Variants in GALNTL6 observed in about 807,000 individuals in gnomAD.
GALNTL6 encodes polypeptide N-acetylgalactosaminyltransferase-like 6.
In GALNTL6, 46 loss-of-function variants were observed where a neutral mutation model predicts 73.7. The observed-to-expected ratio is 0.62, with a 90% CI of 0.49 to 0.80. The LOEUF (loss-of-function observed/expected upper bound fraction) is 0.80, where lower values mean the gene tolerates loss of function less well. Ranked by LOEUF, GALNTL6 falls within the 30% of genes least tolerant of loss-of-function variation. The probability of loss-of-function intolerance (pLI) is 0.00; values close to 1 mark genes in which losing one functional copy is unlikely to be tolerated. For missense variants in GALNTL6, 604 were observed against 755.0 expected, an observed-to-expected ratio of 0.80 and a Z score of 2.34; for synonymous variants, 259 against 263.7, an observed-to-expected ratio of 0.98 and a Z score of 0.17.
rs1320095599 is a variant in GALNTL6 at position 171,814,507 on chromosome 4, G to A, written c.-74G>A. The A allele has an allele frequency of 7.8e-6, 12 of 1,530,006 alleles. No individual in the cohort carries two copies. The highest frequency in any genetic ancestry group is 3.4e-5 in the South Asian group (3 of 88,020). The allele number at this position is 1,530,006 out of a possible 1,614,324, so 94.8% of individuals were successfully genotyped here. A position where few individuals can be genotyped will look rare whatever the true frequency, so the allele number is the denominator to read the frequency against. On this transcript the variant is annotated 5_prime_UTR_variant, in exon 2 of 13. Transcript: ENST00000506823. ...CTGGTGCTTCGCAGGGGAGAGGAAAGGAATTTGACATTAAACACAAGAAGC... is the reference window on the plus strand; with the variant it reads ...CTGGTGCTTCGCAGGGGAGAGGAAAAGAATTTGACATTAAACACAAGAAGC...
intron 2 of GALNTL6, among the ~76,000 whole-genome samples, chr4:171,901,122 A>G (rs1202938247): frequency 6.6e-6 from 1 of 152,204 alleles, no homozygotes; most frequent in African/African-American, 2.4e-5. Flanking sequence ...TTGGAGTAGC[A>G]GTGATCATAC....
intron 8 of GALNTL6, among the ~76,000 whole-genome samples, chr4:172,928,999 C>T (rs1748195975): frequency 6.6e-6 from 1 of 152,144 alleles, no homozygotes; most frequent in African/African-American, 2.4e-5. Flanking sequence ...TCTTAAGATC[C>T]TGGGACAGGT....
At chr4:172,683,355 A>T (rs746789833) in intron 5 of GALNTL6, among the ~76,000 whole-genome samples, 1 of 152,236 alleles carries the variant, frequency 6.6e-6, no homozygotes, top group Non-Finnish European at 1.5e-5. Flanking sequence ...CTTGATAATG[A>T]GAAATGGTTT....
intron 5 of GALNTL6, among the ~76,000 whole-genome samples, chr4:172,381,171 T>C (rs1743270340): frequency 6.6e-6 from 1 of 152,254 alleles, no homozygotes; most frequent in Non-Finnish European, 1.5e-5. Context: ...TGTCAGAATT[T>C]TGGACAAAGA....
chr4:171,996,304 C>T (rs993699989), intron 2 of GALNTL6, among the ~76,000 whole-genome samples: 5 of 151,964 alleles, frequency 3.3e-5, no homozygotes, highest in African/African-American at 4.8e-5. Context: ...CTCCATTTTC[C>T]GAGTTTTAAA....
chr4:172,185,244 A>G (rs1393215715), intron 2 of GALNTL6, among the ~76,000 whole-genome samples: 1 of 152,228 alleles, frequency 6.6e-6, no homozygotes, highest in African/African-American at 2.4e-5. Context: ...GCATCTAGAA[A>G]GACTTTTGTA....
At chr4:172,005,581 T>A (rs906415566) in intron 2 of GALNTL6, among the ~76,000 whole-genome samples, 1 of 152,192 alleles carries the variant, frequency 6.6e-6, no homozygotes, top group Non-Finnish European at 1.5e-5. Flanking sequence ...CCATCCCATC[T>A]ACTATGATAT....
chr4:172,043,082 G>C (rs917174387), intron 2 of GALNTL6, among the ~76,000 whole-genome samples: 4 of 151,618 alleles, frequency 2.6e-5, no homozygotes, highest in Admixed American at 2.0e-4. Flanking sequence ...AATATGTCCC[G>C]CCCTTTCTCA....
intron 10 of GALNTL6, among the ~76,000 whole-genome samples, chr4:172,984,074 T>A (rs1221034085): frequency 6.6e-6 from 1 of 152,116 alleles, no homozygotes; most frequent in Non-Finnish European, 1.5e-5. Context: ...AAACTATATA[T>A]GTAACAAACA....
intron 5 of GALNTL6, among the ~76,000 whole-genome samples, chr4:172,784,715 G>T (rs944284563): frequency 6.6e-6 from 1 of 152,092 alleles, no homozygotes; most frequent in South Asian, 2.1e-4. Context: ...CCACCTCTTT[G>T]CATGGAGAAA....
chr4:173,035,640 T>C (rs561114300), intron 12 of GALNTL6, among the ~76,000 whole-genome samples: 9 of 152,338 alleles, frequency 5.9e-5, no homozygotes, highest in Admixed American at 5.2e-4. Context: ...TGTTATCTTC[T>C]AGGCAAAGGA....
At chr4:172,422,823 T>G (rs79708858) in intron 5 of GALNTL6, among the ~76,000 whole-genome samples, 3,216 of 151,666 alleles carry the variant, frequency 0.021, 112 homozygotes, top group African/African-American at 0.073. Flanking sequence ...ATTTTCCAGT[T>G]GCCCATGAGT....
At chr4:172,267,300 T>G (rs1388416906) in intron 3 of GALNTL6, among the ~76,000 whole-genome samples, 1 of 152,040 alleles carries the variant, frequency 6.6e-6, no homozygotes, top group African/African-American at 2.4e-5. Context: ...TGTACAGTCA[T>G]GAAAAGTGAA....
intron 2 of GALNTL6, among the ~76,000 whole-genome samples, chr4:172,111,230 T>G (rs1732842653): frequency 6.6e-6 from 1 of 152,028 alleles, no homozygotes; most frequent in Non-Finnish European, 1.5e-5. Flanking sequence ...TGTAAGAACT[T>G]TCACTTTTTG....
chr4:171,819,139 C>A (rs1243672492), intron 2 of GALNTL6, among the ~76,000 whole-genome samples: 1 of 151,990 alleles, frequency 6.6e-6, no homozygotes, highest in Non-Finnish European at 1.5e-5. Flanking sequence ...ATTATCAATA[C>A]ACTAGATATG....
At chr4:172,125,072 T>G (rs1444602043) in intron 2 of GALNTL6, among the ~76,000 whole-genome samples, 4 of 152,048 alleles carry the variant, frequency 2.6e-5, no homozygotes, top group Admixed American at 2.6e-4. Flanking sequence ...GAAAGAGTTA[T>G]GAGCACAGCC....
intron 10 of GALNTL6, among the ~76,000 whole-genome samples, chr4:172,958,641 G>A (rs1048443690): frequency 2.0e-5 from 3 of 152,238 alleles, no homozygotes; most frequent in East Asian, 1.9e-4. Context: ...GGCAGGGAGC[G>A]CACGTGTGTT....
intron 2 of GALNTL6, among the ~76,000 whole-genome samples, chr4:172,089,180 T>C (rs1022806482): frequency 2.6e-5 from 4 of 152,176 alleles, no homozygotes; most frequent in African/African-American, 9.6e-5. Flanking sequence ...AAGCTAGGTC[T>C]CTATATATGA....
At chr4:172,872,998 G>A (rs927708134) in intron 7 of GALNTL6, among the ~76,000 whole-genome samples, 26 of 152,140 alleles carry the variant, frequency 1.7e-4, no homozygotes, top group African/African-American at 5.3e-4. Context: ...CCCTCTCTAT[G>A]CCATCCGAGT....
Sources: allele counts gnomAD v4.1 joint callset (sites outside exome capture counted in the v4.1 genomes callset), GRCh38; gene constraint gnomAD v4.1.1; transcripts MANE v1.5; gene names NCBI Gene and HGNC (gene_info 2026-07-23, HGNC 2026-07-21).